The following SHISA6 variants were observed in gnomAD, a reference collection of about 807,000 sequenced individuals.
SHISA6 encodes the protein protein shisa-6.
A neutral mutation model predicts 47.9 loss-of-function variants in SHISA6; 22 were observed. The observed-to-expected ratio is 0.46, with a 90% CI of 0.33 to 0.66. The LOEUF is 0.66. Among genes scored for constraint, SHISA6 ranks in the 30% least tolerant of loss-of-function variants. The probability of loss-of-function intolerance (pLI) is 0.02; values close to 1 mark genes in which losing one functional copy is unlikely to be tolerated. For synonymous variants in SHISA6, 388 were observed against 337.8 expected, an observed-to-expected ratio of 1.15 and a Z score of -1.63; for missense variants, 680 against 764.6, an observed-to-expected ratio of 0.89 and a Z score of 1.30.
At chr17:11,249,526 T>C (rs1158865468) in intron 1 of SHISA6, among the ~76,000 whole-genome samples, 1 of 152,104 alleles carries the variant, frequency 6.6e-6, no homozygotes, top group African/African-American at 2.4e-5. Context: ...GGCATGCAGT[T>C]TGGGGGTTTT....
chr17:11,550,746 C>A (rs1360959222), intron 3 of SHISA6, among the ~76,000 whole-genome samples: 1 of 152,178 alleles, frequency 6.6e-6, no homozygotes, highest in East Asian at 1.9e-4. Flanking sequence ...AAATCTAACC[C>A]TACAGATCAA....
chr17:11,532,794 C>T (rs1313459549), intron 3 of SHISA6, among the ~76,000 whole-genome samples: 3 of 122,522 alleles, frequency 2.4e-5, no homozygotes, highest in Non-Finnish European at 4.8e-5. Context: ...CAGGCTTCCT[C>T]ATGACACATA....
intron 3 of SHISA6, among the ~76,000 whole-genome samples, chr17:11,501,959 A>G (rs759623847): frequency 2.0e-4 from 30 of 152,198 alleles, no homozygotes; most frequent in Admixed American, 3.9e-4. Flanking sequence ...CAATTCCTTG[A>G]TAACAAATTC....
intron 3 of SHISA6, among the ~76,000 whole-genome samples, chr17:11,423,352 TAGATAGATAG>T (rs1474256806): frequency 3.3e-5 from 5 of 150,120 alleles, no homozygotes; most frequent in Admixed American, 1.3e-4. Flanking sequence ...GATAGATAGA[TAGATAGATAG>T]ATAGATATAT....
chr17:11,552,055 A>C, intron 4 of SHISA6, 103 bp downstream of exon 4: 4 of 1,271,928 alleles, frequency 3.1e-6, no homozygotes, highest in Non-Finnish European at 4.4e-6. Context: ...TCATAAACTC[A>C]CTGAAGCTAA....
At chr17:11,398,065 T>C (rs1296755248) in intron 3 of SHISA6, among the ~76,000 whole-genome samples, 1 of 152,222 alleles carries the variant, frequency 6.6e-6, no homozygotes, top group Non-Finnish European at 1.5e-5. Context: ...TAAGGCTGTT[T>C]AATTCATTTC....
intron 3 of SHISA6, among the ~76,000 whole-genome samples, chr17:11,534,998 G>C (rs550837750): frequency 3.0e-4 from 45 of 152,128 alleles, no homozygotes; most frequent in East Asian, 1.9e-4. Context: ...CGTGGTGGCA[G>C]GCACCTGTAA....
At chr17:11,269,281 C>G (rs1285831394) in intron 2 of SHISA6, among the ~76,000 whole-genome samples, 1 of 152,030 alleles carries the variant, frequency 6.6e-6, no homozygotes, top group Non-Finnish European at 1.5e-5. Context: ...ACCTCGTGAC[C>G]CACCCACCGT....
intron 3 of SHISA6, among the ~76,000 whole-genome samples, chr17:11,535,673 T>C (rs1375944267): frequency 6.6e-6 from 1 of 152,216 alleles, no homozygotes; most frequent in Non-Finnish European, 1.5e-5. Flanking sequence ...CACATTATAG[T>C]GCAGAGATCA....
chr17:11,548,043 G>A (rs548521620), intron 3 of SHISA6, among the ~76,000 whole-genome samples: 2 of 152,278 alleles, frequency 1.3e-5, no homozygotes, highest in Admixed American at 6.5e-5. Flanking sequence ...TAAGAATGTG[G>A]GCCTAGCGCC....
chr17:11,444,912 C>A (rs139412841), intron 3 of SHISA6, among the ~76,000 whole-genome samples: 2 of 152,132 alleles, frequency 1.3e-5, no homozygotes, highest in Non-Finnish European at 2.9e-5. Context: ...ACAAGTTCCA[C>A]AGAGGAGATC....
At chr17:11,338,255 A>C (rs1911391461) in intron 2 of SHISA6, among the ~76,000 whole-genome samples, 1 of 152,174 alleles carries the variant, frequency 6.6e-6, no homozygotes, top group South Asian at 2.1e-4. Context: ...TCTCCCCTCT[A>C]CCCACTTACA....
chr17:11,396,100 A>G (rs974480840), intron 3 of SHISA6, among the ~76,000 whole-genome samples: 3 of 152,204 alleles, frequency 2.0e-5, no homozygotes, highest in Non-Finnish European at 4.4e-5. Flanking sequence ...TCAAGAATGG[A>G]TACTGAATTT....
intron 3 of SHISA6, among the ~76,000 whole-genome samples, chr17:11,472,181 T>C (rs1199864063): frequency 6.6e-6 from 1 of 152,174 alleles, no homozygotes; most frequent in Non-Finnish European, 1.5e-5. Context: ...TGGAATCATA[T>C]CAGTATGCAG....
At chr17:11,316,346 T>A (rs1434751324) in intron 2 of SHISA6, among the ~76,000 whole-genome samples, 1 of 142,700 alleles carries the variant, frequency 7.0e-6, no homozygotes, top group African/African-American at 2.5e-5. Context: ...TTTTTTTTTT[T>A]GTATTCAATG....
chr17:11,281,472 A>G (rs1287594903), intron 2 of SHISA6, among the ~76,000 whole-genome samples: 1 of 152,200 alleles, frequency 6.6e-6, no homozygotes, highest in East Asian at 1.9e-4. Context: ...TTCAAATGTT[A>G]AACTAACCTT....
At chr17:11,467,782 C>T (rs1052153547) in intron 3 of SHISA6, among the ~76,000 whole-genome samples, 2 of 152,150 alleles carry the variant, frequency 1.3e-5, no homozygotes, top group African/African-American at 4.8e-5. Context: ...CAAACAGATC[C>T]AGGGTAAGTG....
At chr17:11,326,006 C>T (rs952932339) in intron 2 of SHISA6, among the ~76,000 whole-genome samples, 2 of 152,210 alleles carry the variant, frequency 1.3e-5, no homozygotes, top group Non-Finnish European at 2.9e-5. Flanking sequence ...CACAGTGGCT[C>T]ACGCCTGTAA....
chr17:11,407,486 G>A (rs1913997628), intron 3 of SHISA6, among the ~76,000 whole-genome samples: 1 of 120,770 alleles, frequency 8.3e-6, no homozygotes, highest in Non-Finnish European at 1.8e-5. Context: ...TCAAAGTTTA[G>A]CATATTGTTT....
Sources: gnomAD v4.1 joint callset for allele counts (sites outside exome capture counted in the v4.1 genomes callset) on GRCh38, gnomAD v4.1.1 for gene constraint, MANE v1.5 for transcripts, NCBI Gene and HGNC (gene_info 2026-07-23, HGNC 2026-07-21) for gene names.